Variants in RARB observed in about 807,000 individuals in gnomAD.
RARB encodes the protein HBV-activated protein.
RARB carries 17 observed loss-of-function variants against 51.9 expected under a neutral mutation model. The ratio of observed to expected loss-of-function variants is 0.33; its 90% CI spans 0.22 to 0.49. The LOEUF (loss-of-function observed/expected upper bound fraction) is 0.49, where lower values mean the gene tolerates loss of function less well. Ranked by LOEUF, RARB falls within the 20% of genes least tolerant of loss-of-function variation. The pLI is 0.99. For missense variants in RARB, 369 were observed against 550.8 expected, an observed-to-expected ratio of 0.67 and a Z score of 3.30; for synonymous variants, 215 against 195.4, an observed-to-expected ratio of 1.10 and a Z score of -0.84.
intron 2 of RARB, among the ~76,000 whole-genome samples, chr3:25,006,254 AC>A (rs991507353): frequency 2.7e-4 from 41 of 152,278 alleles, no homozygotes; most frequent in African/African-American, 9.4e-4. Context: ...TCTAAACTCA[AC>A]CAAGCTTTAT....
rs568340647 is a variant in RARB at position 25,071,942 on chromosome 3, C to T, written c.-328+11766C>T. Among the ~76,000 whole-genome samples the T allele has an allele frequency of 3.1e-4, 47 of 152,254 alleles. No homozygotes were observed. The East Asian group carries it at 8.9e-3, about 29-fold the overall frequency. ...TGTGATATTTAAATGCTTTTGGGACCTATTATTTTCAAGGCAAACCATGCT... is the reference window on the plus strand; with the variant it reads ...TGTGATATTTAAATGCTTTTGGGACTTATTATTTTCAAGGCAAACCATGCT... On this transcript the variant is annotated intron_variant, in intron 3 of 11. Transcript: ENST00000383772.
At chr3:25,336,726 G>C (rs549270820) in intron 5 of RARB, among the ~76,000 whole-genome samples, 10 of 152,238 alleles carry the variant, frequency 6.6e-5, no homozygotes, top group Admixed American at 6.5e-5. Context: ...CTAATCCTAG[G>C]TTTAGTGCCA....
At chr3:25,384,836 C>G (rs1474868182) in intron 5 of RARB, among the ~76,000 whole-genome samples, 14 of 152,174 alleles carry the variant, frequency 9.2e-5, no homozygotes, top group Non-Finnish European at 1.9e-4. Flanking sequence ...AAATTCTGTT[C>G]GTTCAGAAAG....
At chr3:24,969,635 C>G (rs1696350276) in intron 2 of RARB, among the ~76,000 whole-genome samples, 1 of 152,018 alleles carries the variant, frequency 6.6e-6, no homozygotes, top group African/African-American at 2.4e-5. Context: ...ATCAAATTGC[C>G]AAGTAATTTT....
At chr3:24,914,811 C>T (rs1695071219) in intron 2 of RARB, among the ~76,000 whole-genome samples, 1 of 152,114 alleles carries the variant, frequency 6.6e-6, no homozygotes, top group South Asian at 2.1e-4. Flanking sequence ...TACAGAGGGT[C>T]CACCGTACAA....
intron 1 of RARB, among the ~76,000 whole-genome samples, chr3:25,457,981 A>G (rs1370615045): frequency 6.6e-6 from 1 of 152,202 alleles, no homozygotes; most frequent in Non-Finnish European, 1.5e-5. Context: ...AGAAGCACAC[A>G]AATCAAACCA....
intron 2 of RARB, among the ~76,000 whole-genome samples, chr3:25,042,990 G>A (rs376482630): frequency 2.0e-5 from 3 of 152,156 alleles, no homozygotes; most frequent in Non-Finnish European, 2.9e-5. Context: ...CTTCACAGAC[G>A]AAAATGCTGA....
rs189944437 is a variant in RARB, at chr3:25,409,573, A to T, written c.179-51620A>T. ...CCCAGAATCTTACACCTTTTAATAT[A>T]GGCCAATAATACATTTAATGTGGGA... is the stretch of plus-strand genomic sequence containing the variant. On this transcript the variant is annotated intron_variant, in intron 5 of 11. Coordinates refer to the RARB transcript ENST00000383772. 2.6e-3 allele frequency among the ~76,000 whole-genome samples: 400 copies of T among 152,302 alleles called. 2 individuals carry two copies. The highest frequency in any genetic ancestry group is 8.8e-3 in the African/African-American group (364 of 41,566).
chr3:25,193,992 A>G (rs1701166603), intron 5 of RARB, among the ~76,000 whole-genome samples: 1 of 151,976 alleles, frequency 6.6e-6, no homozygotes, highest in Non-Finnish European at 1.5e-5. Flanking sequence ...AATAGCCAAG[A>G]TACGGAAGCA....
chr3:25,221,648 G>A (rs1337334740), intron 5 of RARB, among the ~76,000 whole-genome samples: 1 of 151,272 alleles, frequency 6.6e-6, no homozygotes, highest in African/African-American at 2.4e-5. Context: ...ACCGTTTCTG[G>A]CAGTCTTAAA....
intron 4 of RARB, among the ~76,000 whole-genome samples, chr3:25,141,985 C>A (rs1268247514): frequency 6.6e-6 from 1 of 152,090 alleles, no homozygotes; most frequent in Non-Finnish European, 1.5e-5. Context: ...CTTGTTATTC[C>A]AAGTGTAGTC....
intron 5 of RARB, among the ~76,000 whole-genome samples, chr3:25,585,647 C>T (rs1001210290): frequency 3.3e-5 from 5 of 152,164 alleles, no homozygotes; most frequent in African/African-American, 1.2e-4. Flanking sequence ...GGTGGTGCAA[C>T]CAGGCCACTC....
At chr3:25,355,092 GGATGTACAGGAAAATTAAATAA>G (rs1705693049) in intron 5 of RARB, among the ~76,000 whole-genome samples, 1 of 152,020 alleles carries the variant, frequency 6.6e-6, no homozygotes, top group Non-Finnish European at 1.5e-5. Context: ...TTACCTTATA[GGATGTACAGGAAAATTAAATAA>G]TATTTGTAAA....
intron 5 of RARB, among the ~76,000 whole-genome samples, chr3:25,191,868 C>T (rs867416072): frequency 1.1e-4 from 17 of 152,080 alleles, no homozygotes; most frequent in African/African-American, 3.9e-4. Flanking sequence ...ATTACATAGT[C>T]AAGGAATCTT....
chr3:24,916,498 C>T (rs913792588), intron 2 of RARB, among the ~76,000 whole-genome samples: 1 of 152,088 alleles, frequency 6.6e-6, no homozygotes, highest in African/African-American at 2.4e-5. Flanking sequence ...TGGTTATTAC[C>T]TACTCCCTCT....
chr3:25,436,766 T>A (rs1219314670), intron 1 of RARB, among the ~76,000 whole-genome samples: 1 of 152,162 alleles, frequency 6.6e-6, no homozygotes, highest in Non-Finnish European at 1.5e-5. Context: ...GGTATAATAA[T>A]TTTCTTGCAC....
chr3:25,559,356 C>G (rs1374117299), intron 3 of RARB, among the ~76,000 whole-genome samples: 14 of 152,100 alleles, frequency 9.2e-5, no homozygotes, highest in Non-Finnish European at 2.1e-4. Context: ...TGTTTTTTCC[C>G]TATGGCCCCA....
chr3:25,144,249 G>A lies in RARB; in HGVS notation c.-280+12041G>A, dbSNP rs546083886. Reference sequence around the variant, plus strand: ...TGGCAGGGTACTTAAAAACCTTCTAGACCAGTACACTGAGGATTCAGAATC... The same window carrying A: ...TGGCAGGGTACTTAAAAACCTTCTAAACCAGTACACTGAGGATTCAGAATC... On this transcript the variant is annotated intron_variant, in intron 4 of 11. Coordinates refer to the RARB transcript ENST00000383772. Among the ~76,000 whole-genome samples, 10 of 152,234 alleles carry A rather than the reference G, an allele frequency of 6.6e-5. No individual in the cohort carries two copies. In the South Asian group the frequency reaches 2.1e-3, roughly 32 times the overall value.
At chr3:25,484,832 C>T (rs1007797372) in intron 2 of RARB, among the ~76,000 whole-genome samples, 2 of 151,958 alleles carry the variant, frequency 1.3e-5, no homozygotes, top group African/African-American at 4.8e-5. Flanking sequence ...GAAGCTTTAA[C>T]CTATTTTTTT....
Sources: gnomAD v4.1 joint callset for allele counts (sites outside exome capture counted in the v4.1 genomes callset) on GRCh38, gnomAD v4.1.1 for gene constraint, MANE v1.5 for transcripts, NCBI Gene and HGNC (gene_info 2026-07-23, HGNC 2026-07-21) for gene names.